The following ADCY5 variants were observed in gnomAD, a reference collection of about 807,000 sequenced individuals.
The protein encoded by ADCY5 is adenylate cyclase type 5.
In ADCY5, 30 loss-of-function variants were observed where a neutral mutation model predicts 119.7. The ratio of observed to expected loss-of-function variants is 0.25; its 90% CI spans 0.19 to 0.34. The LOEUF (loss-of-function observed/expected upper bound fraction) is 0.34. ADCY5 is among the 10% of genes least tolerant of loss of function. The probability of loss-of-function intolerance (pLI) is 1.00; values close to 1 mark genes in which losing one functional copy is unlikely to be tolerated. For missense variants in ADCY5, 1,324 were observed against 1,775.2 expected (o/e 0.75, Z 4.57); for synonymous variants, 753 against 762.2 (o/e 0.99, Z 0.20).
chr3:123,328,583 C>T, intron 6 of ADCY5, 61 bp downstream of exon 6: 1 of 1,587,860 alleles, frequency 6.3e-7, no homozygotes, highest in Non-Finnish European at 8.6e-7. Context: ...GATGGTCACC[C>T]TGGGTGGGCT....
intron 17 of ADCY5, 147 bp downstream of exon 17, chr3:123,295,937 C>CGGGGA (rs1939472818): frequency 8.5e-7 from 1 of 1,178,878 alleles, no homozygotes; most frequent in Non-Finnish European, 1.2e-6. Flanking sequence ...ACACAGGGCA[C>CGGGGA]CAAGTGGCTT....
In ADCY5 at chr3:123,321,500, G is replaced by A. The variant is rs1242662592; in HGVS notation, c.2089-729C>T. Among the ~76,000 whole-genome samples the A allele has an allele frequency of 2.0e-5, 3 of 152,270 alleles. No homozygotes were observed. The South Asian group carries it at 6.2e-4, about 32-fold the overall frequency. ...AGAGATGTGTGTCGGGGTCTCAGCA[G>A]TGGTGGCAGAATGGAGGCTTCCCCA... On this transcript the variant is annotated intron_variant, in intron 8 of 20. Coordinates refer to ENST00000462833, the MANE Select transcript of ADCY5 (RefSeq NM_183357.3).
At chr3:123,380,576 G>A (rs1943999471) in intron 1 of ADCY5, among the ~76,000 whole-genome samples, 1 of 152,162 alleles carries the variant, frequency 6.6e-6, no homozygotes, top group South Asian at 2.1e-4. Flanking sequence ...CCAGAGCCTA[G>A]GCCACCTCCA....
intron 20 of ADCY5, among the ~76,000 whole-genome samples, chr3:123,285,565 AGGCAGCAGGC>A (rs1194417341): frequency 2.0e-5 from 3 of 152,220 alleles, no homozygotes; most frequent in Admixed American, 6.5e-5. Flanking sequence ...TGCAAGTGCC[AGGCAGCAGGC>A]GGTAGGAGTG....
intron 1 of ADCY5, among the ~76,000 whole-genome samples, chr3:123,357,645 C>CTA (rs1343590619): frequency 2.0e-5 from 3 of 152,024 alleles, no homozygotes; most frequent in Non-Finnish European, 2.9e-5. Context: ...TTGAGCAAGG[C>CTA]TATTGGAAAG....
At chr3:123,289,281 A>G (rs1182896101) in intron 19 of ADCY5, among the ~76,000 whole-genome samples, 2 of 152,200 alleles carry the variant, frequency 1.3e-5, no homozygotes, top group Admixed American at 1.3e-4. Flanking sequence ...ACTGTTTTCC[A>G]TTTTTACTGA....
At chr3:123,319,923 CTGTCCACCA>C in intron 9 of ADCY5, 105 bp from the exon 10 acceptor site, 1 of 1,464,424 alleles carries the variant, frequency 6.8e-7, no homozygotes, top group Non-Finnish European at 9.2e-7. Flanking sequence ...GGCCTGGCAG[CTGTCCACCA>C]TCAGCCCAAT....
At chr3:123,424,886 G>T (rs1241397704) in intron 1 of ADCY5, among the ~76,000 whole-genome samples, 1 of 152,232 alleles carries the variant, frequency 6.6e-6, no homozygotes, top group Non-Finnish European at 1.5e-5. Flanking sequence ...ACAGGCAGAA[G>T]GCCAGAGAGG....
In ADCY5 at chr3:123,284,300, G is replaced by A. The variant is rs1057041882; in HGVS notation, c.*308C>T. 13 of 322,068 alleles carry A rather than the reference G, an allele frequency of 4.0e-5. No individual in the cohort carries two copies. Among genetic ancestry groups the A allele is most frequent in the Non-Finnish European group, 4.7e-5 (8 of 171,016 alleles). 20.0% of individuals were successfully genotyped at this position (322,068 alleles called of 1,614,324 possible). A position where few individuals can be genotyped will look rare whatever the true frequency, so the allele number is the denominator to read the frequency against. ...GGCCGTGCCACACACACATTCCCAC[G>A]GCTCCTTTCCACCTGTGCAGCAGCA... On this transcript the variant is annotated 3_prime_UTR_variant, in exon 21 of 21. Coordinates refer to ENST00000462833, the MANE Select transcript of ADCY5 (RefSeq NM_183357.3).
chr3:123,412,617 C>T (rs560483434), intron 1 of ADCY5, among the ~76,000 whole-genome samples: 20 of 152,122 alleles, frequency 1.3e-4, no homozygotes, highest in South Asian at 1.0e-3. Context: ...AGCTGGGAGT[C>T]GGGGTTAATG....
At chr3:123,314,395 GGC>G in intron 11 of ADCY5, 73 bp from the exon 12 acceptor site, 1 of 1,225,654 alleles carries the variant, frequency 8.2e-7, no homozygotes, top group Non-Finnish European at 1.2e-6. Context: ...GGACCTGCCT[GGC>G]AAGCAGGCCA....
intron 1 of ADCY5, among the ~76,000 whole-genome samples, chr3:123,384,444 A>G (rs545741602): frequency 6.6e-6 from 1 of 152,292 alleles, no homozygotes; most frequent in Non-Finnish European, 1.5e-5. Context: ...AGTTGGCTCC[A>G]TGGCCCCAGA....
chr3:123,303,586 C>T (rs113419422), intron 13 of ADCY5, among the ~76,000 whole-genome samples: 5,424 of 152,118 alleles, frequency 0.036, 328 homozygotes, highest in African/African-American at 0.12. Flanking sequence ...CCGAGGCCCG[C>T]GGATCACTTG....
intron 1 of ADCY5, among the ~76,000 whole-genome samples, chr3:123,401,215 G>A (rs936427955): frequency 6.6e-6 from 1 of 152,114 alleles, no homozygotes; most frequent in Non-Finnish European, 1.5e-5. Context: ...TCCTGGATTT[G>A]AAGGTCCCCA....
intron 9 of ADCY5, among the ~76,000 whole-genome samples, chr3:123,320,522 G>A (rs1054165834): frequency 1.3e-5 from 2 of 152,240 alleles, no homozygotes; most frequent in Non-Finnish European, 2.9e-5. Flanking sequence ...AAAATGGGCA[G>A]TGCTGAGGCT....
intron 12 of ADCY5, 61 bp from the exon 13 acceptor site, chr3:123,304,244 A>C (rs1940073993): frequency 8.8e-7 from 1 of 1,141,616 alleles, no homozygotes; most frequent in Non-Finnish European, 1.3e-6. Flanking sequence ...TTCAGCAAGG[A>C]CTCCACAAAT....
intron 1 of ADCY5, among the ~76,000 whole-genome samples, chr3:123,401,307 G>A (rs1173119511): frequency 2.6e-5 from 4 of 152,182 alleles, no homozygotes; most frequent in African/African-American, 4.8e-5. Context: ...GCTCAGCTCT[G>A]GGGGCTCAGG....
chr3:123,326,248 A>C (rs1225941763), intron 7 of ADCY5, among the ~76,000 whole-genome samples: 2 of 152,244 alleles, frequency 1.3e-5, no homozygotes, highest in African/African-American at 2.4e-5. Flanking sequence ...ACAAATACAC[A>C]GAGTCTCAGT....
chr3:123,437,384 T>A (rs1159357772), intron 1 of ADCY5, among the ~76,000 whole-genome samples: 4 of 152,116 alleles, frequency 2.6e-5, no homozygotes, highest in Non-Finnish European at 5.9e-5. Context: ...AGGTTCCAGG[T>A]TCAGCTGGAA....
Sources: allele counts gnomAD v4.1 joint callset (sites outside exome capture counted in the v4.1 genomes callset), GRCh38; gene constraint gnomAD v4.1.1; transcripts MANE v1.5; gene names NCBI Gene and HGNC (gene_info 2026-07-23, HGNC 2026-07-21).